DCAF10: variants seen among roughly 807,000 people sequenced by gnomAD.
The protein encoded by DCAF10 is DDB1 and CUL4 associated factor 10, also known as DDB1- and CUL4-associated factor 10.
In DCAF10, 19 loss-of-function variants were observed where a neutral mutation model predicts 51.9. The ratio of observed to expected loss-of-function variants is 0.37; its 90% CI spans 0.26 to 0.54. DCAF10 has a LOEUF of 0.54. Ranked by LOEUF, DCAF10 falls within the 20% of genes least tolerant of loss-of-function variation. The pLI, the probability that DCAF10 is intolerant of heterozygous loss-of-function variation, is 0.87. For missense variants in DCAF10, 510 were observed against 730.6 expected (o/e 0.70, Z 3.48); for synonymous variants, 291 against 297.1 (o/e 0.98, Z 0.21).
chr9:37,814,935 G>C (rs956234420), intron 1 of DCAF10, among the ~76,000 whole-genome samples: 2 of 152,082 alleles, frequency 1.3e-5, no homozygotes, highest in Non-Finnish European at 2.9e-5. Context: ...ATGCAATTTC[G>C]CTGAAGAATA....
At chr9:37,832,962 C>T (rs1830050661) in intron 2 of DCAF10, among the ~76,000 whole-genome samples, 1 of 152,140 alleles carries the variant, frequency 6.6e-6, no homozygotes, top group African/African-American at 2.4e-5. Context: ...GATCATTGCT[C>T]ACTGCAACTT....
intron 1 of DCAF10, among the ~76,000 whole-genome samples, chr9:37,813,170 A>G (rs948924729): frequency 3.3e-5 from 5 of 152,094 alleles, no homozygotes; most frequent in African/African-American, 1.2e-4. Context: ...GTGCTGTCAC[A>G]GCTCACGGCA....
intron 1 of DCAF10, among the ~76,000 whole-genome samples, chr9:37,814,301 C>CTT (rs61692599): frequency 2.7e-4 from 27 of 101,024 alleles, no homozygotes; most frequent in South Asian, 3.4e-4. Context: ...ACCACGCCGG[C>CTT]TTTTTTTTTT....
rs1452538187 is a variant in DCAF10, at chr9:37,801,637, G to C, written c.539+232G>C. Among the ~76,000 whole-genome samples, 1 of 152,224 alleles carries C rather than the reference G, an allele frequency of 6.6e-6. No homozygotes were observed. The highest frequency in any genetic ancestry group is 1.5e-5 in the Non-Finnish European group (1 of 68,036). On this transcript the variant is annotated intron_variant, in intron 1 of 6. Coordinates refer to ENST00000377724, the MANE Select transcript of DCAF10 (RefSeq NM_024345.5). This position sits in a 1 kb window ranked among gnomAD's most constrained non-coding sequence, Gnocchi z 5.5. ...CCCACTTGCTCGCCTTCAGGACTTG[G>C]GCTCTGTGAAGGAGAAATGCCCGAA...
At chr9:37,800,636 T>C (rs1049970070), upstream of DCAF10, 1 of 1,535,982 alleles carries the variant, frequency 6.5e-7, no homozygotes, top group African/African-American at 1.4e-5. Flanking sequence ...AGATGCTCAG[T>C]CGCTCACACA....
chr9:37,826,077 A>T (rs1052771070), intron 2 of DCAF10, among the ~76,000 whole-genome samples: 28 of 91,880 alleles, frequency 3.0e-4, no homozygotes, highest in Admixed American at 1.0e-3. Flanking sequence ...ATATTTCTTT[A>T]AAAAAAAAAA....
chr9:37,809,057 T>G (rs1228918932), intron 1 of DCAF10, among the ~76,000 whole-genome samples: 1 of 148,842 alleles, frequency 6.7e-6, no homozygotes, highest in Non-Finnish European at 1.5e-5. Context: ...GCCACTGCAT[T>G]CTAGCCTGGG....
In DCAF10 at chr9:37,837,361, A is replaced by C. The variant is rs554701353; in HGVS notation, c.654-4728A>C. Among the ~76,000 whole-genome samples the C allele has an allele frequency of 1.3e-3, 199 of 151,452 alleles. 1 individual carries two copies. The highest frequency in any genetic ancestry group is 4.6e-3 in the African/African-American group (192 of 41,308). On this transcript the variant is annotated intron_variant, in intron 2 of 6. Coordinates refer to ENST00000377724, the MANE Select transcript of DCAF10 (RefSeq NM_024345.5). Reference sequence around the variant, plus strand: ...GTAATCCCAGCTACTCAGGAGGCCGAGGCAGGAGAATCCCTTGAACCTGGG... The same window carrying C: ...GTAATCCCAGCTACTCAGGAGGCCGCGGCAGGAGAATCCCTTGAACCTGGG...
chr9:37,834,258 T>A (rs1291954827), intron 2 of DCAF10, among the ~76,000 whole-genome samples: 2 of 152,106 alleles, frequency 1.3e-5, no homozygotes, highest in East Asian at 3.8e-4. Context: ...AAATTTATGT[T>A]TTACTAAACA....
chr9:37,834,794 CT>C lies in DCAF10; in HGVS notation c.654-7284del, dbSNP rs372584446. On this transcript the variant is annotated intron_variant, in intron 2 of 6. Coordinates refer to ENST00000377724, the MANE Select transcript of DCAF10 (RefSeq NM_024345.5). ...TGTACGTATTTTTCTCAATCACGTACTTTTTTTTTTTGAGACAGGGTTTCAC... is the reference window on the plus strand; with the variant it reads ...TGTACGTATTTTTCTCAATCACGTACTTTTTTTTTTGAGACAGGGTTTCAC... 9.4e-4 allele frequency among the ~76,000 whole-genome samples: 135 copies of C among 144,034 alleles called. 3 individuals carry two copies. The South Asian group carries it at 9.9e-3, about 11-fold the overall frequency. 94.5% of individuals were successfully genotyped at this position (144,034 alleles called of 152,430 possible). A position where few individuals can be genotyped will look rare whatever the true frequency, so the allele number is the denominator to read the frequency against.
intron 6 of DCAF10, 60 bp downstream of exon 6, chr9:37,860,253 T>C: frequency 6.2e-7 from 1 of 1,605,678 alleles, no homozygotes; most frequent in Non-Finnish European, 8.5e-7. Context: ...CATTGCCGTG[T>C]GTGCAGAGCT....
chr9:37,832,688 A>T (rs1830041704), intron 2 of DCAF10, among the ~76,000 whole-genome samples: 1 of 152,228 alleles, frequency 6.6e-6, no homozygotes, highest in African/African-American at 2.4e-5. Context: ...TCACTGGCAG[A>T]TAATGATATC....
chr9:37,820,839 C>A (rs1296862269), intron 2 of DCAF10, among the ~76,000 whole-genome samples: 2 of 152,106 alleles, frequency 1.3e-5, no homozygotes, highest in African/African-American at 2.4e-5. Flanking sequence ...CCAAAACATT[C>A]ATTTCTCTGG....
chr9:37,846,307 AAG>A (rs1454446058), intron 3 of DCAF10, among the ~76,000 whole-genome samples: 1 of 152,196 alleles, frequency 6.6e-6, no homozygotes, highest in Non-Finnish European at 1.5e-5. Flanking sequence ...TTAAAAACAA[AAG>A]AGAGGAGATA....
chr9:37,851,973 A>T (rs890174303), intron 3 of DCAF10, among the ~76,000 whole-genome samples: 4 of 152,136 alleles, frequency 2.6e-5, no homozygotes, highest in Non-Finnish European at 5.9e-5. Flanking sequence ...AGGGAAAATC[A>T]GTGAGAGGCA....
rs370190180 is a variant in DCAF10 at position 37,801,388 on chromosome 9, C to A, written c.522C>A (p.Leu174=). The part of the protein sequence containing the change: ...STRTHGAVFN[L]EYSPDGSVLT... ...GCACCCACGGCGCCGTCTTCAACCT[C>A]GAGTACTCGCCCGACGGGTAAGCGC... Residue 174 remains leucine (L), a synonymous_variant, in exon 1 of 7, where the codon CTC becomes CTA. Transcript: ENST00000377724. The surrounding 1 kb of genome is among the most constrained non-coding windows in gnomAD (Gnocchi z 5.5). The A allele has an allele frequency of 5.9e-6, 9 of 1,524,332 alleles. No homozygotes were observed. The highest frequency in any genetic ancestry group is 7.9e-6 in the Non-Finnish European group (9 of 1,135,052). The allele number at this position is 1,524,332 out of a possible 1,614,324, so 94.4% of individuals were successfully genotyped here.
chr9:37,827,840 C>T (rs993559248), intron 2 of DCAF10, among the ~76,000 whole-genome samples: 2 of 152,158 alleles, frequency 1.3e-5, no homozygotes, highest in African/African-American at 2.4e-5. Flanking sequence ...GATAAACCAC[C>T]CTGTTCATCT....
At chr9:37,814,127 T>TATATTTG (rs1554685262) in intron 1 of DCAF10, among the ~76,000 whole-genome samples, 2 of 100,636 alleles carry the variant, frequency 2.0e-5, no homozygotes, top group African/African-American at 8.1e-5. Context: ...TATATATATA[T>TATATTTG]TTGTTGTTGT....
chr9:37,812,901 A>G (rs1829396644), intron 1 of DCAF10, among the ~76,000 whole-genome samples: 1 of 151,976 alleles, frequency 6.6e-6, no homozygotes, highest in Non-Finnish European at 1.5e-5. Flanking sequence ...TTTATATATA[A>G]TTATATCTAA....
Sources: gnomAD v4.1 joint callset for allele counts (sites outside exome capture counted in the v4.1 genomes callset) on GRCh38, gnomAD v4.1.1 for gene constraint, Gnocchi (gnomAD v3.1) non-coding constraint, MANE v1.5 for transcripts, NCBI Gene and HGNC (gene_info 2026-07-23, HGNC 2026-07-21) for gene names.